The following CNTNAP5 variants were observed in gnomAD, a reference collection of about 807,000 sequenced individuals.
CNTNAP5 encodes the protein contactin associated protein family member 5, also known as contactin-associated protein-like 5.
A neutral mutation model predicts 150.2 loss-of-function variants in CNTNAP5; 72 were observed. The ratio of observed to expected loss-of-function variants is 0.48; its 90% CI spans 0.40 to 0.58. The LOEUF is 0.58. Ranked by LOEUF, CNTNAP5 falls within the 20% of genes least tolerant of loss-of-function variation. The pLI is 0.00. For missense variants in CNTNAP5, 1,636 were observed against 1,626.2 expected (o/e 1.01, Z -0.10); for synonymous variants, 672 against 619.8 (o/e 1.08, Z -1.25).
intron 19 of CNTNAP5, among the ~76,000 whole-genome samples, chr2:124,802,582 G>T (rs1169722278): frequency 6.6e-6 from 1 of 152,180 alleles, no homozygotes; most frequent in Non-Finnish European, 1.5e-5. Context: ...TCTGAGTCTG[G>T]ACGGTTGGAG....
intron 1 of CNTNAP5, among the ~76,000 whole-genome samples, chr2:124,140,278 G>A (rs1388639331): frequency 6.6e-6 from 1 of 151,516 alleles, no homozygotes; most frequent in Non-Finnish European, 1.5e-5. Context: ...CAACTGGGTG[G>A]AGCCCACCAC....
At chr2:124,436,662 A>G (rs1692538262) in intron 5 of CNTNAP5, among the ~76,000 whole-genome samples, 1 of 152,198 alleles carries the variant, frequency 6.6e-6, no homozygotes, top group African/African-American at 2.4e-5. Context: ...GAATATTAAG[A>G]TAAATAGCAC....
At chr2:124,704,481 C>T (rs563176953) in intron 13 of CNTNAP5, among the ~76,000 whole-genome samples, 16 of 147,960 alleles carry the variant, frequency 1.1e-4, no homozygotes, top group African/African-American at 1.7e-4. Context: ...TATTCCTGTC[C>T]ATTGGAAGGA....
intron 2 of CNTNAP5, among the ~76,000 whole-genome samples, chr2:124,224,440 G>C (rs1573849110): frequency 6.6e-6 from 1 of 151,792 alleles, no homozygotes; most frequent in East Asian, 1.9e-4. Flanking sequence ...AGTATGTCCA[G>C]ATATGTATTT....
chr2:124,567,417 G>T (rs922521698), intron 11 of CNTNAP5, among the ~76,000 whole-genome samples: 5 of 152,176 alleles, frequency 3.3e-5, no homozygotes, highest in Admixed American at 6.5e-5. Flanking sequence ...AAAACATGAT[G>T]AATGTGTGGG....
At chr2:124,485,536 C>T (rs939653675) in intron 7 of CNTNAP5, among the ~76,000 whole-genome samples, 1 of 146,248 alleles carries the variant, frequency 6.8e-6, no homozygotes, top group Non-Finnish European at 1.5e-5. Flanking sequence ...TAGCATGAAC[C>T]CGGGAGGCGG....
intron 5 of CNTNAP5, among the ~76,000 whole-genome samples, chr2:124,444,446 T>A (rs372660242): frequency 6.6e-6 from 1 of 151,956 alleles, no homozygotes; most frequent in East Asian, 1.9e-4. Flanking sequence ...ATATAAAAAA[T>A]TAGCCTCATG....
At chr2:124,132,833 C>A (rs1348635952) in intron 1 of CNTNAP5, among the ~76,000 whole-genome samples, 2 of 152,116 alleles carry the variant, frequency 1.3e-5, no homozygotes, top group South Asian at 4.1e-4. Flanking sequence ...ATGTTCAATA[C>A]TGTTCAATCT....
chr2:124,875,176 T>C (rs1162351225), intron 21 of CNTNAP5, among the ~76,000 whole-genome samples: 1 of 152,038 alleles, frequency 6.6e-6, no homozygotes, highest in Non-Finnish European at 1.5e-5. Context: ...ACAGTATCAT[T>C]GAATGAAAAC....
At chr2:124,067,449 C>T (rs1232236212) in intron 1 of CNTNAP5, among the ~76,000 whole-genome samples, 2 of 152,180 alleles carry the variant, frequency 1.3e-5, no homozygotes, top group Non-Finnish European at 1.5e-5. Flanking sequence ...TTGCCACCTC[C>T]TCTTCTGTTT....
At chr2:124,316,182 A>C (rs897566495) in intron 3 of CNTNAP5, among the ~76,000 whole-genome samples, 5 of 152,182 alleles carry the variant, frequency 3.3e-5, no homozygotes, top group Non-Finnish European at 7.3e-5. Context: ...TAATGAATGT[A>C]AGATGTGATC....
At chr2:124,438,346 A>T (rs1411739106) in intron 5 of CNTNAP5, among the ~76,000 whole-genome samples, 1 of 152,162 alleles carries the variant, frequency 6.6e-6, no homozygotes, top group Non-Finnish European at 1.5e-5. Context: ...AATAGTCTGA[A>T]CCCATTCATG....
chr2:124,083,929 T>G (rs562242246), intron 1 of CNTNAP5, among the ~76,000 whole-genome samples: 35 of 152,226 alleles, frequency 2.3e-4, no homozygotes, highest in African/African-American at 8.4e-4. Context: ...AATATCTTGC[T>G]GGGAATTTGA....
At chr2:124,250,172 AT>A (rs1687137055) in intron 3 of CNTNAP5, among the ~76,000 whole-genome samples, 1 of 152,200 alleles carries the variant, frequency 6.6e-6, no homozygotes, top group African/African-American at 2.4e-5. Flanking sequence ...AAAAACGAGC[AT>A]GCTTCAAAAT....
At chr2:124,542,189 C>A (rs189907041) in intron 10 of CNTNAP5, among the ~76,000 whole-genome samples, 1 of 151,422 alleles carries the variant, frequency 6.6e-6, no homozygotes, top group East Asian at 2.0e-4. Context: ...TCCTGCTTGA[C>A]TTTTGCAGTC....
At chr2:124,201,912 T>C (rs1685737610) in intron 1 of CNTNAP5, among the ~76,000 whole-genome samples, 1 of 152,200 alleles carries the variant, frequency 6.6e-6, no homozygotes, top group African/African-American at 2.4e-5. Context: ...AGTTATGGAC[T>C]CTGTTCATTA....
chr2:124,582,652 C>G (rs921381798), intron 11 of CNTNAP5, among the ~76,000 whole-genome samples: 4 of 151,980 alleles, frequency 2.6e-5, no homozygotes, highest in African/African-American at 9.7e-5. Context: ...TGGGGCAGAC[C>G]AAGTTTCAAA....
At chr2:124,601,079 G>T (rs1696975631) in intron 11 of CNTNAP5, among the ~76,000 whole-genome samples, 1 of 152,092 alleles carries the variant, frequency 6.6e-6, no homozygotes, top group Non-Finnish European at 1.5e-5. Context: ...TGGACACTTG[G>T]TGATTGCTCC....
At chr2:124,338,722 C>T (rs138779971) in intron 3 of CNTNAP5, among the ~76,000 whole-genome samples, 280 of 152,050 alleles carry the variant, frequency 1.8e-3, no homozygotes, top group African/African-American at 6.0e-3. Context: ...TTGGAGGTTG[C>T]GGAAAAAACA....
Sources: allele counts gnomAD v4.1 joint callset (sites outside exome capture counted in the v4.1 genomes callset), GRCh38; gene constraint gnomAD v4.1.1; transcripts MANE v1.5; gene names NCBI Gene and HGNC (gene_info 2026-07-23, HGNC 2026-07-21).